HIVEP2: variants seen among roughly 807,000 people sequenced by gnomAD.
The protein encoded by HIVEP2 is HIVEP zinc finger 2.
HIVEP2 carries 14 observed loss-of-function variants against 180.7 expected under a neutral mutation model. The ratio of observed to expected loss-of-function variants is 0.08; its 90% confidence interval spans 0.05 to 0.12. The LOEUF (loss-of-function observed/expected upper bound fraction) is 0.12. HIVEP2 is among the 10% of genes least tolerant of loss of function. The pLI, the probability that HIVEP2 is intolerant of heterozygous loss-of-function variation, is 1.00. For missense variants in HIVEP2, 2,579 were observed against 3,008.5 expected, an observed-to-expected ratio of 0.86 and a Z score of 3.34; for synonymous variants, 1,184 against 1,136.4, an observed-to-expected ratio of 1.04 and a Z score of -0.84.
At chr6:142,901,883 G>T (rs948850470) in intron 1 of HIVEP2, among the ~76,000 whole-genome samples, 1 of 152,152 alleles carries the variant, frequency 6.6e-6, no homozygotes, top group Non-Finnish European at 1.5e-5. Context: ...ATGCGGAGGA[G>T]GAAGAGGCAA....
At chr6:142,891,047 C>A (rs1776847190) in intron 1 of HIVEP2, among the ~76,000 whole-genome samples, 2 of 152,156 alleles carry the variant, frequency 1.3e-5, no homozygotes, top group Non-Finnish European at 1.5e-5. Context: ...AAGATAGGGT[C>A]TGCAGTTTTC....
intron 1 of HIVEP2, among the ~76,000 whole-genome samples, chr6:142,848,856 AG>A (rs1442831516): frequency 6.6e-6 from 1 of 152,236 alleles, no homozygotes; most frequent in Non-Finnish European, 1.5e-5. Context: ...ATCAAGTGAA[AG>A]CACCAGTTCA....
intron 1 of HIVEP2, among the ~76,000 whole-genome samples, chr6:142,931,214 T>A (rs868206101): frequency 2.0e-5 from 3 of 151,974 alleles, no homozygotes; most frequent in Non-Finnish European, 4.4e-5. Flanking sequence ...GGAATTTTTT[T>A]AATTGTTATT....
At chr6:142,784,868 T>C (rs1450056191) in intron 2 of HIVEP2, among the ~76,000 whole-genome samples, 1 of 152,110 alleles carries the variant, frequency 6.6e-6, no homozygotes, top group African/African-American at 2.4e-5. Flanking sequence ...TTCTATAAGA[T>C]AATTAACTAT....
intron 2 of HIVEP2, among the ~76,000 whole-genome samples, chr6:142,804,323 G>A (rs1776492169): frequency 6.6e-6 from 1 of 152,160 alleles, no homozygotes; most frequent in South Asian, 2.1e-4. Flanking sequence ...CAGCAGGTAA[G>A]AGGTGGTTTG....
chr6:142,938,531 G>A (rs1361191431), intron 1 of HIVEP2, among the ~76,000 whole-genome samples: 1 of 152,166 alleles, frequency 6.6e-6, no homozygotes, highest in Admixed American at 6.5e-5. Context: ...GCAACTATCA[G>A]GATGAGAATT....
intron 1 of HIVEP2, among the ~76,000 whole-genome samples, chr6:142,857,850 C>T (rs181809948): frequency 1.8e-3 from 269 of 152,034 alleles, no homozygotes; most frequent in African/African-American, 6.0e-3. Flanking sequence ...CTCCTGCGGG[C>T]GGGGGGAAGC....
chr6:142,940,655 G>A (rs1778153548), intron 1 of HIVEP2, among the ~76,000 whole-genome samples: 1 of 151,888 alleles, frequency 6.6e-6, no homozygotes, highest in Non-Finnish European at 1.5e-5. Flanking sequence ...CTCCTTTAGT[G>A]GTTCGGGTCA....
At chr6:142,887,959 C>CAA (rs10634446) in intron 1 of HIVEP2, among the ~76,000 whole-genome samples, 48,213 of 142,886 alleles carry the variant, frequency 0.34, 8,316 homozygotes, top group African/African-American at 0.44. Flanking sequence ...GGCGATGCAG[C>CAA]AAAAAAAAAA....
chr6:142,827,533 C>T (rs531017632), intron 2 of HIVEP2, among the ~76,000 whole-genome samples: 5 of 152,306 alleles, frequency 3.3e-5, no homozygotes, highest in African/African-American at 4.8e-5. Context: ...CGCGCACGCA[C>T]GTGCACGCAC....
chr6:142,843,112 G>A (rs938640885), intron 1 of HIVEP2, among the ~76,000 whole-genome samples: 1 of 152,192 alleles, frequency 6.6e-6, no homozygotes, highest in Non-Finnish European at 1.5e-5. Context: ...ATTTTCACAT[G>A]TAGATGAGTC....
At position 142,752,286 on chromosome 6, in the gene HIVEP2, T is replaced by A. The variant is rs2114578494; in HGVS notation, c.*821A>T. On this transcript the variant is annotated 3_prime_UTR_variant, in exon 10 of 10. Transcript: ENST00000367603. ...AAGACCAAATACTTTTAATATTATT[T>A]ATAACTGATTTATAAAGCTTTGAAA... The A allele has an allele frequency of 6.5e-6, 1 of 152,810 alleles. No homozygotes were observed. The highest frequency in any genetic ancestry group is 1.9e-4 in the East Asian group (1 of 5,196). 9.5% of individuals were successfully genotyped at this position (152,810 alleles called of 1,614,324 possible).
rs767073297 is a variant in HIVEP2, at chr6:142,753,605, C to T, written c.6843G>A (p.Gln2281=). 3 of 1,614,192 alleles carry T rather than the reference C, an allele frequency of 1.9e-6. No individual in the cohort carries two copies. Among genetic ancestry groups the T allele is most frequent in the Non-Finnish European group, 2.5e-6 (3 of 1,180,032 alleles). ...AAGCGTGAGGACCTCGCTTCTCATGCTGCTTAGAAAGCACATAGGGGTCCT... is the reference window on the plus strand; with the variant it reads ...AAGCGTGAGGACCTCGCTTCTCATGTTGCTTAGAAAGCACATAGGGGTCCT... ...FSKDPYVLSK[Q]HEKRGPHALQ... The change falls in exon 10 of 10, where the codon CAG becomes CAA. Residue 2281 remains glutamine (Q), a synonymous_variant. Transcript: ENST00000367603.
In HIVEP2 at chr6:142,760,067, C is replaced by G. The variant is rs769122851; in HGVS notation, c.6221G>C (p.Arg2074Thr). The G allele has an allele frequency of 3.1e-6, 5 of 1,614,126 alleles. No individual in the cohort carries two copies. The South Asian group carries it at 5.5e-5, about 18-fold the overall frequency. The change falls in exon 9 of 10, where the codon AGA becomes ACA. Residue 2074 changes from arginine to threonine, a missense_variant. Physicochemically the swap from Arg to Thr is moderately conservative, Grantham distance 71. Around this residue, in one of 11 missense-constraint regions of HIVEP2, gnomAD observed 660 missense variants for 731.7 expected, o/e 0.90. Coordinates refer to ENST00000367603, the MANE Select transcript of HIVEP2 (RefSeq NM_006734.4). ...CAGATCTCTCCTAGGTGATAAATGT[C>G]TCCTGGGAGATAAATCTCCTTTGGG... ...LIPKGDLSPR[R>T]HLSPRRDLSP...
In HIVEP2 at chr6:142,807,438, T is replaced by C. The variant is rs575325743; in HGVS notation, c.-527-23823A>G. ...ATTCTATCATCCAAAGGCATGACAGTGCCAACTCATGGCTGGATGTAGTTC... is the reference window on the plus strand; with the variant it reads ...ATTCTATCATCCAAAGGCATGACAGCGCCAACTCATGGCTGGATGTAGTTC... On this transcript the variant is annotated intron_variant, in intron 2 of 9. Transcript: ENST00000367603. Among the ~76,000 whole-genome samples, 8 of 152,306 alleles carry C rather than the reference T, an allele frequency of 5.3e-5. No individual in the cohort carries two copies. The South Asian group carries it at 1.2e-3, about 24-fold the overall frequency.
At chr6:142,852,100 C>A (rs1028613289) in intron 1 of HIVEP2, among the ~76,000 whole-genome samples, 1 of 152,174 alleles carries the variant, frequency 6.6e-6, no homozygotes. Flanking sequence ...ACTTTACACA[C>A]CATGTTCCAC....
At chr6:142,907,957 C>T (rs934944969) in intron 1 of HIVEP2, among the ~76,000 whole-genome samples, 2 of 152,174 alleles carry the variant, frequency 1.3e-5, no homozygotes, top group African/African-American at 4.8e-5. Flanking sequence ...CAAAAATCTT[C>T]CTCAGCTCTC....
chr6:142,908,349 T>C (rs946366893), intron 1 of HIVEP2, among the ~76,000 whole-genome samples: 5 of 152,256 alleles, frequency 3.3e-5, no homozygotes, highest in Non-Finnish European at 7.3e-5. Flanking sequence ...GAAAAACCTT[T>C]CCTGGTTCAT....
At position 142,926,040 on chromosome 6, in the gene HIVEP2, A is replaced by G. The variant is rs1777801116; in HGVS notation, c.-641+19059T>C. ...TATCATACCTGCAAGTATGGAAGACACGTAAGATTCAAGTTACTAAATTAT... is the reference window on the plus strand; with the variant it reads ...TATCATACCTGCAAGTATGGAAGACGCGTAAGATTCAAGTTACTAAATTAT... On this transcript the variant is annotated intron_variant, in intron 1 of 9. Coordinates refer to ENST00000367603, the MANE Select transcript of HIVEP2 (RefSeq NM_006734.4). 2.0e-5 allele frequency among the ~76,000 whole-genome samples: 3 copies of G among 152,220 alleles called. No homozygotes were observed. In the South Asian group the frequency reaches 6.2e-4, roughly 32 times the overall value.
Sources: allele counts gnomAD v4.1 joint callset (sites outside exome capture counted in the v4.1 genomes callset), GRCh38; gene constraint gnomAD v4.1.1; regional missense constraint gnomAD v4.1.1; transcripts MANE v1.5; gene names NCBI Gene and HGNC (gene_info 2026-07-23, HGNC 2026-07-21).